Variants in BCL9 observed in about 807,000 individuals in gnomAD.
The protein encoded by BCL9 is BCL9 transcription coactivator.
Under a neutral mutation model 88.5 loss-of-function variants are expected in BCL9, and 25 were observed. The observed-to-expected ratio is 0.28, with a 90% CI of 0.21 to 0.39. The LOEUF (loss-of-function observed/expected upper bound fraction) is 0.39. BCL9 is among the 10% of genes least tolerant of loss of function. The probability of loss-of-function intolerance (pLI) is 1.00; values close to 1 mark genes in which losing one functional copy is unlikely to be tolerated. For synonymous variants in BCL9, 711 were observed against 673.3 expected, an observed-to-expected ratio of 1.06 and a Z score of -0.87; for missense variants, 1,817 against 1,877.8, an observed-to-expected ratio of 0.97 and a Z score of 0.60.
intron 1 of BCL9, among the ~76,000 whole-genome samples, chr1:147,572,860 G>A (rs1018096561): frequency 1.3e-5 from 2 of 152,214 alleles, no homozygotes; most frequent in East Asian, 1.9e-4. Flanking sequence ...GATTATAGGC[G>A]TGAGCCGCTA....
intron 3 of BCL9, among the ~76,000 whole-genome samples, chr1:147,608,508 T>G (rs1416791592): frequency 6.6e-6 from 1 of 151,954 alleles, no homozygotes; most frequent in Non-Finnish European, 1.5e-5. Flanking sequence ...AGTGGGCTAT[T>G]TTTTGTTTCA....
At position 147,613,081 on chromosome 1, in the gene BCL9, G is replaced by A. The variant is rs1553202948; in HGVS notation, c.252G>A (p.Gly84=). The change falls in exon 5 of 10, where the codon GGG becomes GGA. Residue 84 remains glycine, a synonymous_variant. Coordinates refer to ENST00000234739, the MANE Select transcript of BCL9 (RefSeq NM_004326.4). ...KALPGPGGSM[G]LKNGAGNGAK... is the part of the protein sequence containing the mutation. ...TCCCTGGCCCAGGTGGGAGCATGGGGCTGAAGAATGGGGCTGGAAATGGTG... is the reference window on the plus strand; with the variant it reads ...TCCCTGGCCCAGGTGGGAGCATGGGACTGAAGAATGGGGCTGGAAATGGTG... The A allele has an allele frequency of 6.2e-7, 1 of 1,613,992 alleles. No individual in the cohort carries two copies. The highest frequency in any genetic ancestry group is 1.3e-5 in the African/African-American group (1 of 74,940).
At chr1:147,559,871 A>T (rs782001318) in intron 1 of BCL9, among the ~76,000 whole-genome samples, 2 of 152,230 alleles carry the variant, frequency 1.3e-5, no homozygotes, top group Admixed American at 6.5e-5. Context: ...TGTCTGAGCA[A>T]TGGAACAGTT....
At chr1:147,551,535 T>C (rs1654905314) in intron 1 of BCL9, among the ~76,000 whole-genome samples, 1 of 152,184 alleles carries the variant, frequency 6.6e-6, no homozygotes, top group African/African-American at 2.4e-5. Context: ...CAAATTTAAT[T>C]GCCATTATGA....
chr1:147,580,079 T>G (rs1553198452), intron 1 of BCL9, among the ~76,000 whole-genome samples: 1 of 152,204 alleles, frequency 6.6e-6, no homozygotes, highest in Non-Finnish European at 1.5e-5. Flanking sequence ...AACATGTTTA[T>G]TCATCCTCCC....
chr1:147,624,888 G>T lies in BCL9; in HGVS notation c.4210G>T (p.Gly1404Cys), dbSNP rs782593020. ...IMIPPQMRPR[G>C]MAADVGMGGF... ...GATCCCCCCACAGATGAGGCCCCGG[G>T]GCATGGCTGCTGACGTGGGCATGGG... Residue 1404 changes from glycine (G) to cysteine (C), a missense_variant, in exon 10 of 10, where the codon GGC (glycine) becomes TGC (cysteine). Coordinates refer to ENST00000234739, the MANE Select transcript of BCL9 (RefSeq NM_004326.4). This position sits in a 1 kb window ranked among gnomAD's most constrained non-coding sequence, Gnocchi z 4.4. The T allele has an allele frequency of 2.5e-5, 41 of 1,613,994 alleles. No individual in the cohort carries two copies. The highest frequency in any genetic ancestry group is 1.9e-5 in the Non-Finnish European group (23 of 1,179,986).
intron 1 of BCL9, among the ~76,000 whole-genome samples, chr1:147,596,244 C>T (rs1463628183): frequency 6.6e-6 from 1 of 152,138 alleles, no homozygotes; most frequent in African/African-American, 2.4e-5. Context: ...AGGGATGAAG[C>T]TCTGGGACTC....
intron 6 of BCL9, among the ~76,000 whole-genome samples, chr1:147,615,195 AACCT>A (rs1359422825): frequency 2.0e-5 from 3 of 152,184 alleles, no homozygotes; most frequent in Admixed American, 1.3e-4. Flanking sequence ...ACTTTTCTGC[AACCT>A]ACCTATTATT....
intron 1 of BCL9, among the ~76,000 whole-genome samples, chr1:147,567,123 A>T (rs1655640926): frequency 6.6e-6 from 1 of 152,192 alleles, no homozygotes; most frequent in Non-Finnish European, 1.5e-5. Flanking sequence ...ATTATGTATT[A>T]TTTGATTAAT....
intron 7 of BCL9, among the ~76,000 whole-genome samples, chr1:147,616,538 C>T (rs1417570663): frequency 6.6e-6 from 1 of 152,092 alleles, no homozygotes; most frequent in Non-Finnish European, 1.5e-5. Flanking sequence ...GAGGCCGAGG[C>T]AGGCGGATCA....
intron 1 of BCL9, among the ~76,000 whole-genome samples, chr1:147,597,070 A>G (rs1657089046): frequency 6.6e-6 from 1 of 152,206 alleles, no homozygotes; most frequent in African/African-American, 2.4e-5. Flanking sequence ...AATTTAGAAT[A>G]CTGCTGTGGA....
intron 2 of BCL9, among the ~76,000 whole-genome samples, chr1:147,605,191 G>A (rs904704961): frequency 1.3e-5 from 2 of 152,212 alleles, no homozygotes; most frequent in East Asian, 1.9e-4. Context: ...CCATCGTTGT[G>A]TGTGAATGCA....
At chr1:147,554,209 C>T (rs1331571478) in intron 1 of BCL9, among the ~76,000 whole-genome samples, 2 of 152,252 alleles carry the variant, frequency 1.3e-5, no homozygotes, top group African/African-American at 4.8e-5. Flanking sequence ...ACTGATGTTA[C>T]GATTCACCTT....
At chr1:147,615,778 T>C (rs782016468) in intron 6 of BCL9, 25 bp from the exon 7 acceptor site, 18 of 1,583,196 alleles carry the variant, frequency 1.1e-5, no homozygotes, top group Middle Eastern at 1.7e-4. Context: ...AGTTCTAGTG[T>C]GTGCTGTCTC....
chr1:147,562,772 C>CG (rs1423183521), intron 1 of BCL9, among the ~76,000 whole-genome samples: 1 of 151,958 alleles, frequency 6.6e-6, no homozygotes. Flanking sequence ...GGAGTGTGGA[C>CG]GGGGGGTGGC....
rs377179976 is a variant in BCL9, at chr1:147,610,559, C to T, written c.-259-1019C>T. ...CAACACCTGAGCTGTTTCTAACTCC[C>T]TTTGGTTCTGTAGTCACTAGTCCTG... On this transcript the variant is annotated intron_variant, in intron 3 of 9. Transcript: ENST00000234739. Among the ~76,000 whole-genome samples, 18 of 152,292 alleles carry T rather than the reference C, an allele frequency of 1.2e-4. No homozygotes were observed. In the East Asian group the frequency reaches 2.7e-3, roughly 23 times the overall value.
intron 1 of BCL9, among the ~76,000 whole-genome samples, chr1:147,575,356 C>T (rs1400307885): frequency 6.6e-6 from 1 of 152,180 alleles, no homozygotes; most frequent in African/African-American, 2.4e-5. Context: ...CATTGTCTGC[C>T]TTTCCCACCA....
At chr1:147,570,135 G>A (rs1165888067) in intron 1 of BCL9, among the ~76,000 whole-genome samples, 2 of 152,198 alleles carry the variant, frequency 1.3e-5, no homozygotes, top group African/African-American at 2.4e-5. Context: ...TTAACAGGAT[G>A]TCTGAGCTGG....
chr1:147,587,493 C>T (rs1656668343), intron 1 of BCL9, among the ~76,000 whole-genome samples: 1 of 152,168 alleles, frequency 6.6e-6, no homozygotes, highest in African/African-American at 2.4e-5. Context: ...TTGCAAGCCC[C>T]CTTGAGGGGA....
Sources: allele counts gnomAD v4.1 joint callset (sites outside exome capture counted in the v4.1 genomes callset), GRCh38; gene constraint gnomAD v4.1.1; non-coding constraint Gnocchi (gnomAD v3.1); transcripts MANE v1.5; gene names NCBI Gene and HGNC (gene_info 2026-07-23, HGNC 2026-07-21).